Variants in ANKS1B observed in about 807,000 individuals in gnomAD.
ANKS1B encodes ankyrin repeat and sterile alpha motif domain-containing protein 1B.
Under a neutral mutation model 148.3 loss-of-function variants are expected in ANKS1B, and 36 were observed. That is an observed-to-expected ratio of 0.24 (90% CI 0.19 to 0.32). ANKS1B has a LOEUF of 0.32. Ranked by LOEUF, ANKS1B falls within the 10% of genes least tolerant of loss-of-function variation. The pLI, the probability that ANKS1B is intolerant of heterozygous loss-of-function variation, is 1.00. For missense variants in ANKS1B, 1,157 were observed against 1,542.6 expected, an observed-to-expected ratio of 0.75 and a Z score of 4.19; for synonymous variants, 542 against 560.8, an observed-to-expected ratio of 0.97 and a Z score of 0.47.
chr12:99,116,114 G>C (rs982717965), intron 15 of ANKS1B, among the ~76,000 whole-genome samples: 6 of 152,132 alleles, frequency 3.9e-5, no homozygotes, highest in Non-Finnish European at 5.9e-5. Context: ...GCAAGGATTA[G>C]TGAATTTTAT....
At chr12:99,596,878 G>A (rs1204158728) in intron 9 of ANKS1B, among the ~76,000 whole-genome samples, 3 of 151,882 alleles carry the variant, frequency 2.0e-5, no homozygotes, top group South Asian at 2.1e-4. Context: ...GGATCAGAGT[G>A]CAGGACCGAG....
chr12:99,869,388 A>G lies in ANKS1B; in HGVS notation c.135-43999T>C, dbSNP rs182038374. Among the ~76,000 whole-genome samples, 178 of 152,190 alleles carry G rather than the reference A, an allele frequency of 1.2e-3. 3 individuals are homozygous for G. The highest frequency in any genetic ancestry group is 3.8e-4 in the Non-Finnish European group (26 of 67,994). On this transcript the variant is annotated intron_variant, in intron 1 of 26. Transcript: ENST00000683438. ...TAGACTCATACATATATTTTAAAAG[A>G]TTGGGCTGGGCACGGTGGCTCACGC...
chr12:99,833,208 G>A (rs1444103456), intron 1 of ANKS1B, among the ~76,000 whole-genome samples: 1 of 152,162 alleles, frequency 6.6e-6, no homozygotes, highest in Non-Finnish European at 1.5e-5. Flanking sequence ...TCCAGATTAC[G>A]AAGAACCTCA....
intron 12 of ANKS1B, among the ~76,000 whole-genome samples, chr12:99,390,890 T>C (rs1341080254): frequency 1.3e-5 from 2 of 152,184 alleles, no homozygotes; most frequent in Non-Finnish European, 2.9e-5. Context: ...GAAAGACAGA[T>C]GGCCGACCTG....
chr12:99,857,457 T>C (rs879374411), intron 1 of ANKS1B, among the ~76,000 whole-genome samples: 3 of 152,080 alleles, frequency 2.0e-5, no homozygotes, highest in Non-Finnish European at 4.4e-5. Context: ...AAAATGACCA[T>C]ACGGCCAATA....
intron 8 of ANKS1B, among the ~76,000 whole-genome samples, chr12:99,687,625 C>T (rs1334349784): frequency 6.6e-6 from 1 of 152,122 alleles, no homozygotes; most frequent in African/African-American, 2.4e-5. Context: ...TCATCTAGTA[C>T]ACTTTTCATT....
At chr12:99,026,785 A>G (rs2099949010) in intron 17 of ANKS1B, among the ~76,000 whole-genome samples, 1 of 152,182 alleles carries the variant, frequency 6.6e-6, no homozygotes, top group South Asian at 2.1e-4. Flanking sequence ...TCAGATTTAC[A>G]GGAAAGAAAA....
intron 17 of ANKS1B, among the ~76,000 whole-genome samples, chr12:98,968,145 T>C (rs769592756): frequency 4.6e-5 from 7 of 152,054 alleles, no homozygotes; most frequent in Non-Finnish European, 8.8e-5. Context: ...AATGAGTATC[T>C]CTGGGGCTGG....
At chr12:99,309,652 T>C (rs2082872136) in intron 12 of ANKS1B, among the ~76,000 whole-genome samples, 1 of 152,104 alleles carries the variant, frequency 6.6e-6, no homozygotes, top group Non-Finnish European at 1.5e-5. Flanking sequence ...TAAAATAAAA[T>C]ATAAATAATG....
intron 9 of ANKS1B, among the ~76,000 whole-genome samples, chr12:99,505,398 C>T (rs991099586): frequency 1.4e-4 from 22 of 151,904 alleles, no homozygotes; most frequent in African/African-American, 5.3e-4. Context: ...CCATCCAGCA[C>T]ACTAGTATCT....
intron 12 of ANKS1B, among the ~76,000 whole-genome samples, chr12:99,348,656 A>G (rs2091046960): frequency 6.6e-6 from 1 of 151,862 alleles, no homozygotes; most frequent in Non-Finnish European, 1.5e-5. Context: ...AAATTGCTGA[A>G]AGAGAAGAAC....
rs139854467 is a variant in ANKS1B, at chr12:99,872,381, TAC to T, written c.135-46994_135-46993del. ...ATAATAATTCATAAAGCTGTATACT[TAC>T]AGTCAGTGCCCTTTTCTGTATGTAT... On this transcript the variant is annotated intron_variant, in intron 1 of 26. Coordinates refer to ENST00000683438, the MANE Select transcript of ANKS1B (RefSeq NM_001352186.2). Among the ~76,000 whole-genome samples, 698 of 152,234 alleles carry T rather than the reference TAC, an allele frequency of 4.6e-3. 5 individuals carry two copies. The highest frequency in any genetic ancestry group is 0.016 in the African/African-American group (655 of 41,574).
At chr12:99,149,811 T>C (rs2074335467) in intron 15 of ANKS1B, among the ~76,000 whole-genome samples, 1 of 152,152 alleles carries the variant, frequency 6.6e-6, no homozygotes, top group Non-Finnish European at 1.5e-5. Flanking sequence ...CCTCTTCTAT[T>C]ATCTACTGTA....
chr12:98,744,846 A>C lies in ANKS1B; in HGVS notation c.*893T>G. 1.0e-6 allele frequency: 1 copy of C among 985,580 alleles called. No homozygotes were observed. Among genetic ancestry groups the C allele is most frequent in the Non-Finnish European group, 1.2e-6 (1 of 829,898 alleles). 61.1% of individuals were successfully genotyped at this position (985,580 alleles called of 1,614,324 possible). A position where few individuals can be genotyped will look rare whatever the true frequency, so the allele number is the denominator to read the frequency against. The stretch of plus-strand genomic sequence containing the variant: ...AAAACACTGTGAAGATTAAAAAACA[A>C]TCTTGGCAGGCTGATGGCTGCGTCA... On this transcript the variant is annotated 3_prime_UTR_variant, in exon 27 of 27. Coordinates refer to ENST00000683438, the MANE Select transcript of ANKS1B (RefSeq NM_001352186.2).
chr12:99,899,059 A>G (rs1401616817), intron 1 of ANKS1B, among the ~76,000 whole-genome samples: 2 of 152,216 alleles, frequency 1.3e-5, no homozygotes, highest in Non-Finnish European at 2.9e-5. Flanking sequence ...AATAACAGTG[A>G]TGATAATAAT....
intron 17 of ANKS1B, among the ~76,000 whole-genome samples, chr12:99,018,502 A>G (rs2099943893): frequency 6.6e-6 from 1 of 152,190 alleles, no homozygotes; most frequent in African/African-American, 2.4e-5. Flanking sequence ...AGCAAATTAC[A>G]ATTAGGACGT....
chr12:98,783,018 T>TA (rs2098752661), intron 22 of ANKS1B, among the ~76,000 whole-genome samples: 1 of 151,130 alleles, frequency 6.6e-6, no homozygotes, highest in Non-Finnish European at 1.5e-5. Flanking sequence ...GCCCAGGCGA[T>TA]AGTTGGAATA....
intron 17 of ANKS1B, among the ~76,000 whole-genome samples, chr12:98,845,188 A>T (rs2099445726): frequency 6.6e-6 from 1 of 152,242 alleles, no homozygotes; most frequent in Non-Finnish European, 1.5e-5. Context: ...ATTACAACCT[A>T]ACAAGGCTGG....
intron 8 of ANKS1B, among the ~76,000 whole-genome samples, chr12:99,736,620 C>T (rs978287607): frequency 6.6e-6 from 1 of 151,760 alleles, no homozygotes. Flanking sequence ...GAAAGACATC[C>T]CATGTTCACA....
Sources: gnomAD v4.1 joint callset for allele counts (sites outside exome capture counted in the v4.1 genomes callset) on GRCh38, gnomAD v4.1.1 for gene constraint, MANE v1.5 for transcripts, NCBI Gene and HGNC (gene_info 2026-07-23, HGNC 2026-07-21) for gene names.